Variants in PRKN observed in about 807,000 individuals in gnomAD.
The protein encoded by PRKN is parkin RBR E3 ubiquitin protein ligase.
A neutral mutation model predicts 59.5 loss-of-function variants in PRKN; 56 were observed. The ratio of observed to expected loss-of-function variants is 0.94; its 90% confidence interval spans 0.76 to 1.18. The LOEUF is 1.18. Among genes scored for constraint, PRKN ranks in the 50% most tolerant of loss-of-function variants. The pLI, the probability that PRKN is intolerant of heterozygous loss-of-function variation, is 0.00. For missense variants in PRKN, 657 were observed against 596.4 expected (o/e 1.10, Z -1.06); for synonymous variants, 250 against 222.1 (o/e 1.13, Z -1.12).
At chr6:162,201,301 T>C (rs1189824886) in intron 3 of PRKN, 49 bp from the exon 4 acceptor site, 3 of 1,600,010 alleles carry the variant, frequency 1.9e-6, no homozygotes, top group African/African-American at 1.3e-5. Flanking sequence ...GCATCTAAAT[T>C]GAGACAAGAA....
At chr6:162,272,109 G>A (rs1038428795) in intron 2 of PRKN, among the ~76,000 whole-genome samples, 1 of 152,118 alleles carries the variant, frequency 6.6e-6, no homozygotes, top group African/African-American at 2.4e-5. Context: ...GGCTCCATAG[G>A]GGGCGGGAGG....
intron 2 of PRKN, among the ~76,000 whole-genome samples, chr6:162,370,639 C>A (rs961859808): frequency 6.6e-6 from 1 of 152,178 alleles, no homozygotes; most frequent in African/African-American, 2.4e-5. Flanking sequence ...GGTGGCAAAG[C>A]CAAAGTGAAA....
chr6:161,830,943 G>A (rs1053582677), intron 6 of PRKN, among the ~76,000 whole-genome samples: 12 of 152,108 alleles, frequency 7.9e-5, no homozygotes, highest in African/African-American at 2.4e-4. Flanking sequence ...CTATGACCCT[G>A]CTCCCCAACC....
At chr6:162,213,421 T>A (rs1282760312) in intron 3 of PRKN, among the ~76,000 whole-genome samples, 1 of 146,040 alleles carries the variant, frequency 6.8e-6, no homozygotes, top group East Asian at 1.9e-4. Flanking sequence ...GGAAGGAGCC[T>A]AGCATGCTCA....
chr6:161,523,257 G>A (rs1330901684), intron 9 of PRKN, among the ~76,000 whole-genome samples: 1 of 152,158 alleles, frequency 6.6e-6, no homozygotes. Context: ...ACAAAATTGG[G>A]AGATAACTAA....
chr6:161,670,816 A>AAAC (rs1784881674), intron 7 of PRKN, among the ~76,000 whole-genome samples: 3 of 150,088 alleles, frequency 2.0e-5, no homozygotes, highest in Non-Finnish European at 4.4e-5. Flanking sequence ...CTCTGTCTCA[A>AAAC]AAACAAACAA....
At chr6:162,175,165 C>T (rs1350101019) in intron 4 of PRKN, among the ~76,000 whole-genome samples, 2 of 152,186 alleles carry the variant, frequency 1.3e-5, no homozygotes, top group Non-Finnish European at 2.9e-5. Context: ...GTCTTATACA[C>T]CTTGGTAGGA....
chr6:162,081,525 G>C (rs898356035), intron 4 of PRKN, among the ~76,000 whole-genome samples: 2 of 152,100 alleles, frequency 1.3e-5, no homozygotes, highest in Admixed American at 6.5e-5. Flanking sequence ...TTCCCGAGCA[G>C]TGGGTCTCAA....
rs746180767 is a variant in PRKN, at chr6:161,448,284, G to A, written c.1084-61407C>T. On this transcript the variant is annotated intron_variant, in intron 9 of 11. Transcript: ENST00000366898. This position sits in a 1 kb window ranked among gnomAD's most constrained non-coding sequence, Gnocchi z 5.1. ...CGTATCTCTGAATGGCCACTCCCATGCAGCCCTTGAATGAATTACTTAACT... is the reference window on the plus strand; with the variant it reads ...CGTATCTCTGAATGGCCACTCCCATACAGCCCTTGAATGAATTACTTAACT... 3.9e-5 allele frequency among the ~76,000 whole-genome samples: 6 copies of A among 152,122 alleles called. No homozygotes were observed. The highest frequency in any genetic ancestry group is 7.3e-5 in the Non-Finnish European group (5 of 68,042).
intron 7 of PRKN, among the ~76,000 whole-genome samples, chr6:161,722,213 A>C (rs1160887052): frequency 1.3e-5 from 2 of 151,568 alleles, no homozygotes; most frequent in Non-Finnish European, 3.0e-5. Context: ...CGGGGGGAAA[A>C]GCAGGAAAGC....
intron 9 of PRKN, among the ~76,000 whole-genome samples, chr6:161,418,281 C>T (rs1787945703): frequency 6.6e-6 from 1 of 152,234 alleles, no homozygotes; most frequent in Non-Finnish European, 1.5e-5. Context: ...TCAAGCCAAA[C>T]ATCTTTCCTT....
chr6:162,581,387 CAAGAA>C (rs1780783925), intron 1 of PRKN, among the ~76,000 whole-genome samples: 1 of 152,210 alleles, frequency 6.6e-6, no homozygotes, highest in Non-Finnish European at 1.5e-5. Flanking sequence ...CATGGTCTAA[CAAGAA>C]AAGGAAACCA....
At chr6:162,235,971 A>AAGAAAGAAAG (rs1778669878) in intron 3 of PRKN, among the ~76,000 whole-genome samples, 5 of 97,724 alleles carry the variant, frequency 5.1e-5, no homozygotes, top group African/African-American at 2.9e-4. Flanking sequence ...GAAAGAAAGA[A>AAGAAAGAAAG]AGAAAGAAAG....
chr6:162,702,975 T>C (rs1479594600), intron 1 of PRKN, among the ~76,000 whole-genome samples: 1 of 152,160 alleles, frequency 6.6e-6, no homozygotes, highest in African/African-American at 2.4e-5. Flanking sequence ...AGGCAAAAAA[T>C]TAAATGAATC....
chr6:162,556,865 G>T (rs913419941), intron 1 of PRKN, among the ~76,000 whole-genome samples: 1 of 152,074 alleles, frequency 6.6e-6, no homozygotes, highest in African/African-American at 2.4e-5. Context: ...CCAGCAGAGG[G>T]CAAGGCAGCA....
intron 7 of PRKN, among the ~76,000 whole-genome samples, chr6:161,615,253 G>GC (rs920906749): frequency 6.6e-6 from 1 of 152,104 alleles, no homozygotes; most frequent in Admixed American, 6.5e-5. Context: ...CCTTTCTGCT[G>GC]CCCCCTAACC....
intron 7 of PRKN, among the ~76,000 whole-genome samples, chr6:161,689,185 TACACACACACACACACACAC>T (rs34193135): frequency 2.8e-5 from 4 of 144,296 alleles, no homozygotes; most frequent in East Asian, 4.2e-4. Flanking sequence ...AATTAAATTG[TACACACACACACACACACAC>T]ACACACACAC....
At chr6:161,731,274 C>T (rs376728737) in intron 7 of PRKN, among the ~76,000 whole-genome samples, 3 of 152,228 alleles carry the variant, frequency 2.0e-5, no homozygotes, top group South Asian at 2.1e-4. Flanking sequence ...AGCACATGTG[C>T]GGCCAGAACC....
chr6:162,218,659 A>G (rs1333490742), intron 3 of PRKN, among the ~76,000 whole-genome samples: 1 of 152,174 alleles, frequency 6.6e-6, no homozygotes, highest in Non-Finnish European at 1.5e-5. Flanking sequence ...CAGTGGACAC[A>G]AAATAAGCAT....
Sources: gnomAD v4.1 joint callset for allele counts (sites outside exome capture counted in the v4.1 genomes callset) on GRCh38, gnomAD v4.1.1 for gene constraint, Gnocchi (gnomAD v3.1) non-coding constraint, MANE v1.5 for transcripts, NCBI Gene and HGNC (gene_info 2026-07-23, HGNC 2026-07-21) for gene names.